The following WDR49 variants were observed in gnomAD, a reference collection of about 807,000 sequenced individuals.
WDR49 encodes the protein cilia- and flagella-associated protein 337.
Under a neutral mutation model 119.5 loss-of-function variants are expected in WDR49, and 107 were observed. That is an observed-to-expected ratio of 0.90 (90% confidence interval 0.77 to 1.05). The LOEUF (loss-of-function observed/expected upper bound fraction) is 1.05, where lower values mean the gene tolerates loss of function less well. Ranked by LOEUF, WDR49 falls within the 50% of genes least tolerant of loss-of-function variation. The pLI is 0.00. For synonymous variants in WDR49, 425 were observed against 418.8 expected (o/e 1.01, Z -0.18); for missense variants, 1,240 against 1,220.5 (o/e 1.02, Z -0.24).
At chr3:167,566,573 A>G (rs1713612642) in intron 8 of WDR49, among the ~76,000 whole-genome samples, 1 of 152,188 alleles carries the variant, frequency 6.6e-6, no homozygotes, top group Admixed American at 6.5e-5. Context: ...TTCAAAGAAT[A>G]AGTTTACGCT....
At chr3:167,540,135 G>A (rs1448865590) in intron 10 of WDR49, among the ~76,000 whole-genome samples, 1 of 152,162 alleles carries the variant, frequency 6.6e-6, no homozygotes, top group Non-Finnish European at 1.5e-5. Flanking sequence ...CTCCAAGGAA[G>A]GAGAAAACAA....
chr3:167,637,633 T>A (rs1423497259), intron 2 of WDR49, among the ~76,000 whole-genome samples: 2 of 151,908 alleles, frequency 1.3e-5, no homozygotes, highest in African/African-American at 4.8e-5. Context: ...GAGCATGGGA[T>A]GTGTTTCCAT....
chr3:167,620,642 G>A, intron 4 of WDR49, 39 bp from the exon 5 acceptor site: 2 of 1,480,160 alleles, frequency 1.4e-6, no homozygotes. Context: ...TCGTGGACGG[G>A]ATATTTGTTG....
intron 16 of WDR49, among the ~76,000 whole-genome samples, chr3:167,521,682 A>G (rs1752439002): frequency 6.6e-6 from 1 of 152,170 alleles, no homozygotes; most frequent in South Asian, 2.1e-4. Flanking sequence ...TATCTCTACA[A>G]GAATAAAATA....
At chr3:167,630,063 A>G (rs980224451) in intron 2 of WDR49, among the ~76,000 whole-genome samples, 1 of 152,164 alleles carries the variant, frequency 6.6e-6, no homozygotes, top group African/African-American at 2.4e-5. Flanking sequence ...TCAATTTTGA[A>G]AGAAATTCTA....
chr3:167,573,822 TTA>T (rs1714080594), intron 8 of WDR49, among the ~76,000 whole-genome samples: 1 of 152,166 alleles, frequency 6.6e-6, no homozygotes, highest in Non-Finnish European at 1.5e-5. Context: ...CTTTACTGCT[TTA>T]ACTCCCACGA....
intron 10 of WDR49, among the ~76,000 whole-genome samples, chr3:167,554,328 G>A (rs994814682): frequency 2.0e-5 from 3 of 152,090 alleles, no homozygotes; most frequent in African/African-American, 7.2e-5. Flanking sequence ...CTTTACAGTT[G>A]AAGGAATGTA....
chr3:167,509,742 T>A (rs1054415705), intron 16 of WDR49, among the ~76,000 whole-genome samples: 2 of 152,142 alleles, frequency 1.3e-5, no homozygotes, highest in African/African-American at 4.8e-5. Flanking sequence ...TATGTGCACA[T>A]GAAGGTATTT....
At chr3:167,509,568 G>A (rs1164364249) in intron 16 of WDR49, among the ~76,000 whole-genome samples, 1 of 152,120 alleles carries the variant, frequency 6.6e-6, no homozygotes, top group Admixed American at 6.5e-5. Flanking sequence ...TTTTTGGTTC[G>A]AAGGCAGGAA....
chr3:167,549,586 G>A (rs1188560802), intron 10 of WDR49, among the ~76,000 whole-genome samples: 8 of 152,132 alleles, frequency 5.3e-5, no homozygotes, highest in Admixed American at 2.0e-4. Flanking sequence ...GTAGATTCTG[G>A]ATATTAGCCC....
At chr3:167,595,975 C>A (rs1715407489) in intron 7 of WDR49, among the ~76,000 whole-genome samples, 1 of 145,296 alleles carries the variant, frequency 6.9e-6, no homozygotes, top group Non-Finnish European at 1.5e-5. Context: ...ACTCATCTGA[C>A]AAAGGGCTAA....
In WDR49 at chr3:167,527,619, C is replaced by T. The variant is rs1458703819; in HGVS notation, c.2604+201G>A. On this transcript the variant is annotated intron_variant, in intron 15 of 18. Transcript: ENST00000682715. ...ACAGAGCCCCCATCTTTCCATGTCT[C>T]TGGTGTCTTCCACTTGATGGAACTG... Among the ~76,000 whole-genome samples the T allele has an allele frequency of 2.0e-5, 3 of 151,936 alleles. No individual in the cohort carries two copies. In the South Asian group the frequency reaches 6.2e-4, roughly 31 times the overall value.
At chr3:167,551,170 A>T (rs1418881062) in intron 10 of WDR49, among the ~76,000 whole-genome samples, 1 of 151,978 alleles carries the variant, frequency 6.6e-6, no homozygotes, top group Admixed American at 6.6e-5. Context: ...TTAGACCCAA[A>T]CATTCATATT....
intron 7 of WDR49, among the ~76,000 whole-genome samples, chr3:167,595,742 G>C (rs929483791): frequency 6.6e-6 from 1 of 151,924 alleles, no homozygotes; most frequent in South Asian, 2.1e-4. Flanking sequence ...AGACTTAAAC[G>C]TCAGACCTAA....
In WDR49 at chr3:167,621,527, A is replaced by G; in HGVS notation, c.723T>C (p.Tyr241=). Residue 241 remains tyrosine, a synonymous_variant, in exon 4 of 19, where the codon TAT becomes TAC. Coordinates refer to ENST00000682715, the MANE Select transcript of WDR49 (RefSeq NM_001366157.1). ...GLKGTPICMD[Y]WYDPLDANES... ...CATTGGCATCAAGAGGATCATACCAATAATCCATGCAAATTGGTGTTCCTT... is the reference window on the plus strand; with the variant it reads ...CATTGGCATCAAGAGGATCATACCAGTAATCCATGCAAATTGGTGTTCCTT... 6.5e-7 allele frequency: 1 copy of G among 1,535,704 alleles called. No individual in the cohort carries two copies. The highest frequency in any genetic ancestry group is 8.7e-7 in the Non-Finnish European group (1 of 1,146,488).
intron 7 of WDR49, among the ~76,000 whole-genome samples, chr3:167,601,592 C>T (rs546366168): frequency 3.3e-5 from 5 of 152,054 alleles, no homozygotes; most frequent in Admixed American, 6.6e-5. Context: ...CTGGACTCTA[C>T]GGCTCTAGTG....
At chr3:167,604,576 T>G in intron 5 of WDR49, 108 bp from the exon 6 acceptor site, 2 of 1,129,924 alleles carry the variant, frequency 1.8e-6, no homozygotes, top group Non-Finnish European at 2.4e-6. Flanking sequence ...ACTCAAACTA[T>G]GATGATACAA....
chr3:167,623,641 C>A (rs1405071236), intron 3 of WDR49, among the ~76,000 whole-genome samples: 1 of 151,674 alleles, frequency 6.6e-6, no homozygotes, highest in Non-Finnish European at 1.5e-5. Context: ...AGATCAGAAA[C>A]AAGACAAGGA....
chr3:167,578,174 C>T (rs1714346320), intron 7 of WDR49, among the ~76,000 whole-genome samples: 1 of 152,144 alleles, frequency 6.6e-6, no homozygotes, highest in South Asian at 2.1e-4. Context: ...GATCTCACTA[C>T]CACCTACCAT....
Sources: gnomAD v4.1 joint callset for allele counts (sites outside exome capture counted in the v4.1 genomes callset) on GRCh38, gnomAD v4.1.1 for gene constraint, MANE v1.5 for transcripts, NCBI Gene and HGNC (gene_info 2026-07-23, HGNC 2026-07-21) for gene names.